The following RNF168 variants were observed in gnomAD, a reference collection of about 807,000 sequenced individuals.
RNF168 encodes ring finger protein 168, also known as E3 ubiquitin-protein ligase RNF168.
Under a neutral mutation model 34.9 loss-of-function variants are expected in RNF168, and 34 were observed. The observed-to-expected ratio is 0.97, with a 90% CI of 0.74 to 1.30. The LOEUF is 1.30. Among genes scored for constraint, RNF168 ranks in the 50% most tolerant of loss-of-function variants. The probability of loss-of-function intolerance (pLI) is 0.00; values close to 1 mark genes in which losing one functional copy is unlikely to be tolerated. For synonymous variants in RNF168, 264 were observed against 254.7 expected (o/e 1.04, Z -0.35); for missense variants, 725 against 682.5 (o/e 1.06, Z -0.69).
At chr3:196,489,596 G>C (rs1445477713) in intron 1 of RNF168, among the ~76,000 whole-genome samples, 2 of 151,944 alleles carry the variant, frequency 1.3e-5, no homozygotes, top group African/African-American at 4.8e-5. Flanking sequence ...CAAAGTGCTG[G>C]GACTACAGGC....
rs757326247 is a variant in RNF168, at chr3:196,487,518, G to C, written c.439C>G (p.Gln147Glu). 5.6e-6 allele frequency: 9 copies of C among 1,614,012 alleles called. No homozygotes were observed. Among genetic ancestry groups the C allele is most frequent in the Non-Finnish European group, 7.6e-6 (9 of 1,179,954 alleles). Reference protein sequence around the residue: ...EENKASEEYIQRLLAEEEEEE... With the variant: ...EENKASEEYIERLLAEEEEEE... ...TCTTCCTCCTCTGCCAACAACCTCT[G>C]TATGTATTCTTCACTGGCTTTGTTT... The change falls in exon 3 of 6, where the codon CAG becomes GAG. Residue 147 changes from glutamine to glutamate, a missense_variant. Transcript: ENST00000318037.
In RNF168 at chr3:196,487,535, G is replaced by A. The variant is rs746748610; in HGVS notation, c.422C>T (p.Ala141Val). The part of the protein sequence containing the change: ...RRASEEEENK[A>V]SEEYIQRLLA... Reference sequence around the variant, plus strand: ...CAACCTCTGTATGTATTCTTCACTGGCTTTGTTTTCTTCTTCCTCGCTGGC... The same window carrying A: ...CAACCTCTGTATGTATTCTTCACTGACTTTGTTTTCTTCTTCCTCGCTGGC... The change falls in exon 3 of 6, where the codon GCC becomes GTC. Residue 141 changes from alanine (A) to valine (V), a missense_variant. Coordinates refer to ENST00000318037, the MANE Select transcript of RNF168 (RefSeq NM_152617.4). 14 of 1,613,816 alleles carry A rather than the reference G, an allele frequency of 8.7e-6. No homozygotes were observed. In the Admixed American group the frequency reaches 2.3e-4, roughly 27 times the overall value.
chr3:196,502,948 G>A lies in RNF168; in HGVS notation c.226C>T (p.Leu76=). The A allele has an allele frequency of 6.2e-7, 1 of 1,613,808 alleles. No individual in the cohort carries two copies. The highest frequency in any genetic ancestry group is 8.5e-7 in the Non-Finnish European group (1 of 1,179,692). ...TAGTGTTTTTGAATTATCGTCCACA[G>A]TTCCACGTTGACGAGAGAATTTCTT... ...TRRNSLVNVE[L]WTIIQKHYPR... The change falls in exon 1 of 6, where the codon CTG becomes TTG. Residue 76 remains leucine (L), a synonymous_variant. Transcript: ENST00000318037.
chr3:196,501,551 G>A (rs767895106), intron 1 of RNF168, among the ~76,000 whole-genome samples: 1 of 152,182 alleles, frequency 6.6e-6, no homozygotes, highest in Non-Finnish European at 1.5e-5. Flanking sequence ...AGAAGGTGCC[G>A]AGGCTGGGGG....
intron 1 of RNF168, among the ~76,000 whole-genome samples, chr3:196,495,299 ATCAAGT>A (rs1167267467): frequency 6.6e-6 from 1 of 152,176 alleles, no homozygotes; most frequent in African/African-American, 2.4e-5. Context: ...ATATACAATG[ATCAAGT>A]TCAAGAAAAT....
rs375217116 is a variant in RNF168 at position 196,478,959 on chromosome 3, G to A, written c.681-3647C>T. Among the ~76,000 whole-genome samples the A allele has an allele frequency of 3.1e-3, 464 of 149,670 alleles. 23 individuals carry two copies. In the South Asian group the frequency reaches 0.07, roughly 23 times the overall value. On this transcript the variant is annotated intron_variant, in intron 4 of 5. Transcript: ENST00000318037. ...TGACCTCAGGTGATCCACCCACCTC[G>A]GCTTCCCAAAGTGTTAGGATTACAG...
chr3:196,472,067 G>A lies in RNF168; in HGVS notation c.1468C>T (p.Gln490Ter). Residue 490 changes from glutamine to a stop codon, truncating the protein, a stop_gained, in exon 6 of 6, where the codon CAG becomes TAG. Transcript: ENST00000318037. LOFTEE classifies it high-confidence loss of function. ...TTCCCATCTTTGGGATTCTTCCTCT[G>A]TCCATTTAGCACTTTGTCTGGAGGG... is the stretch of plus-strand genomic sequence containing the variant. ...SSPPDKVLNG[Q>*]RKNPKDGNFK... is the part of the protein sequence containing the mutation. 1 of 1,613,570 alleles carries A rather than the reference G, an allele frequency of 6.2e-7. No individual in the cohort carries two copies. The highest frequency in any genetic ancestry group is 8.5e-7 in the Non-Finnish European group (1 of 1,179,716).
At chr3:196,480,504 T>A (rs192357705) in intron 4 of RNF168, among the ~76,000 whole-genome samples, 4 of 152,246 alleles carry the variant, frequency 2.6e-5, no homozygotes, top group African/African-American at 7.2e-5. Context: ...AAAGAAAAAT[T>A]TGAAAAGTTG....
In RNF168 at chr3:196,497,460, A is replaced by T. The variant is rs1351630851; in HGVS notation, c.301+5413T>A. Reference sequence around the variant, plus strand: ...GCCAAGGCAGGCGGATCACGAGGTCAGGACTTCAAGACCAGCCTGGCCAAC... The same window carrying T: ...GCCAAGGCAGGCGGATCACGAGGTCTGGACTTCAAGACCAGCCTGGCCAAC... On this transcript the variant is annotated intron_variant, in intron 1 of 5. Transcript: ENST00000318037. Among the ~76,000 whole-genome samples, 54 of 152,138 alleles carry T rather than the reference A, an allele frequency of 3.5e-4. 1 individual carries two copies. Among genetic ancestry groups the T allele is most frequent in the Non-Finnish European group, 1.6e-4 (11 of 68,024 alleles).
chr3:196,495,177 G>A (rs1441750022), intron 1 of RNF168, among the ~76,000 whole-genome samples: 2 of 59,446 alleles, frequency 3.4e-5, no homozygotes, highest in Non-Finnish European at 3.7e-5. Flanking sequence ...ATTGCCTTTC[G>A]TGTGTGTGTG....
At chr3:196,496,677 C>G (rs751627927) in intron 1 of RNF168, among the ~76,000 whole-genome samples, 12 of 152,200 alleles carry the variant, frequency 7.9e-5, no homozygotes, top group Non-Finnish European at 1.5e-4. Context: ...AAACTCCTAA[C>G]AGGCTGTTAG....
Position 196,503,353 on chromosome 3 carries a change from T to A in RNF168, c.-180A>T. ...TTGAAGCAAAAAGGCGCTCTCAGGG[T>A]CAGGCAAACAGGAATACCCCGGAGG... On this transcript the variant is annotated 5_prime_UTR_variant, in exon 1 of 6. Transcript: ENST00000318037. The A allele has an allele frequency of 1.5e-6, 1 of 651,156 alleles. No homozygotes were observed. Among genetic ancestry groups the A allele is most frequent in the East Asian group, 2.7e-5 (1 of 36,560 alleles). 40.3% of individuals were successfully genotyped at this position (651,156 alleles called of 1,614,324 possible).
intron 5 of RNF168, among the ~76,000 whole-genome samples, chr3:196,474,399 G>A (rs1732090168): frequency 1.3e-5 from 2 of 151,014 alleles, no homozygotes; most frequent in African/African-American, 4.9e-5. Context: ...CAAAGTGCTA[G>A]GATTACAGGC....
In RNF168 at chr3:196,499,117, T is replaced by C. The variant is rs947521586; in HGVS notation, c.301+3756A>G. Among the ~76,000 whole-genome samples, 6 of 151,942 alleles carry C rather than the reference T, an allele frequency of 3.9e-5. No homozygotes were observed. The East Asian group carries it at 5.8e-4, about 15-fold the overall frequency. On this transcript the variant is annotated intron_variant, in intron 1 of 5. Transcript: ENST00000318037. ...TGGAAACAGGTTGTTACAGATATAA[T>C]GGAGTTCATACAAAGAGTACAGAGC...
Position 196,500,742 on chromosome 3 carries a change from C to T in RNF168, c.301+2131G>A, listed in dbSNP as rs534290294. 6.6e-5 allele frequency among the ~76,000 whole-genome samples: 10 copies of T among 151,874 alleles called. No homozygotes were observed. In the South Asian group the frequency reaches 1.0e-3, roughly 16 times the overall value. Reference sequence around the variant, plus strand: ...ATTTTTTTTTTTTGAAACGGAGTCTCGCTCTGTCTCCCAGGCTGGAGTGCG... The same window carrying T: ...ATTTTTTTTTTTTGAAACGGAGTCTTGCTCTGTCTCCCAGGCTGGAGTGCG... On this transcript the variant is annotated intron_variant, in intron 1 of 5. Transcript: ENST00000318037.
chr3:196,476,449 C>T (rs1348789201), intron 4 of RNF168, among the ~76,000 whole-genome samples: 3 of 149,446 alleles, frequency 2.0e-5, no homozygotes, highest in Admixed American at 1.3e-4. Flanking sequence ...CGGAGTCTTG[C>T]TCTGTCACCC....
chr3:196,483,190 AAGG>A lies in RNF168; in HGVS notation c.680+577_680+579del, dbSNP rs1333817950. Among the ~76,000 whole-genome samples, 7 of 152,220 alleles carry A rather than the reference AAGG, an allele frequency of 4.6e-5. No homozygotes were observed. In the South Asian group the frequency reaches 1.0e-3, roughly 23 times the overall value. ...AATACAAAATTTCAACAAATCTTGG[AAGG>A]AGATGAGTTACCTGCACATATTTCC... On this transcript the variant is annotated intron_variant, in intron 4 of 5. Coordinates refer to ENST00000318037, the MANE Select transcript of RNF168 (RefSeq NM_152617.4).
intron 4 of RNF168, among the ~76,000 whole-genome samples, chr3:196,480,928 A>T (rs1732270835): frequency 6.6e-6 from 1 of 152,170 alleles, no homozygotes; most frequent in African/African-American, 2.4e-5. Context: ...TATAGGCATG[A>T]GCCACCATGC....
At chr3:196,490,602 A>G (rs967139548) in intron 1 of RNF168, among the ~76,000 whole-genome samples, 3 of 146,898 alleles carry the variant, frequency 2.0e-5, no homozygotes, top group Non-Finnish European at 1.5e-5. Flanking sequence ...TTATCCAAGT[A>G]AAAAGAAAAA....
Sources: gnomAD v4.1 joint callset for allele counts (sites outside exome capture counted in the v4.1 genomes callset) on GRCh38, gnomAD v4.1.1 for gene constraint, MANE v1.5 for transcripts, NCBI Gene and HGNC (gene_info 2026-07-23, HGNC 2026-07-21) for gene names.